LMBRD1: variants seen among roughly 807,000 people sequenced by gnomAD.
LMBRD1 encodes the protein LMBR1 domain containing 1, also known as lysosomal cobalamin transport escort protein LMBD1.
In LMBRD1, 64 loss-of-function variants were observed where a neutral mutation model predicts 74.8. The ratio of observed to expected loss-of-function variants is 0.86; its 90% CI spans 0.70 to 1.05. The LOEUF (loss-of-function observed/expected upper bound fraction) is 1.05. Among genes scored for constraint, LMBRD1 ranks in the 50% least tolerant of loss-of-function variants. LMBRD1 has a pLI of 0.00. For synonymous variants in LMBRD1, 204 were observed against 216.3 expected (o/e 0.94, Z 0.50); for missense variants, 652 against 645.9 (o/e 1.01, Z -0.10).
intron 1 of LMBRD1, among the ~76,000 whole-genome samples, chr6:69,794,410 A>G (rs1582172850): frequency 6.6e-6 from 1 of 152,240 alleles, no homozygotes; most frequent in Non-Finnish European, 1.5e-5. Context: ...ATGCGTACAT[A>G]AAGTCCTGCT....
In LMBRD1 at chr6:69,699,173, C is replaced by T. The variant is rs1213957514; in HGVS notation, c.1208G>A (p.Gly403Asp). The T allele has an allele frequency of 1.2e-6, 2 of 1,611,514 alleles. No homozygotes were observed. The highest frequency in any genetic ancestry group is 1.1e-5 in the South Asian group (1 of 91,024). Residue 403 changes from glycine to aspartate, a missense_variant, in exon 13 of 16, where the codon GGT becomes GAT. This residue lies in a region of LMBRD1 where 598 missense variants were observed against 581.8 expected (regional missense o/e 1.03). Transcript: ENST00000649934. ...AAGGAGTGCTTGGGGCCTGGTTCTACCTCTTCTGATTTTATATAACTGGAA... is the reference window on the plus strand; with the variant it reads ...AAGGAGTGCTTGGGGCCTGGTTCTATCTCTTCTGATTTTATATAACTGGAA... Reference protein sequence around the residue: ...FWIRLYKIRRGRTRPQALLFL... With the variant: ...FWIRLYKIRRDRTRPQALLFL...
rs1582106056 is a variant in LMBRD1, at chr6:69,738,002, T to C, written c.576A>G (p.Ala192=). The C allele has an allele frequency of 1.2e-6, 2 of 1,609,086 alleles. No individual in the cohort carries two copies. The highest frequency in any genetic ancestry group is 8.5e-7 in the Non-Finnish European group (1 of 1,176,858). The change falls in exon 7 of 16, where the codon GCA becomes GCG. Residue 192 remains alanine (A), a synonymous_variant. Coordinates refer to ENST00000649934, the MANE Select transcript of LMBRD1 (RefSeq NM_018368.4). The part of the protein sequence containing the change: ...EELGSSHGLA[A]LSFSISSLTL... The stretch of plus-strand genomic sequence containing the variant: ...TCAGAGAACTGATAGAAAATGACAA[T>C]GCAGCTAAACCATCTGTGAAGAAAG...
chr6:69,747,385 T>C (rs1767260019), intron 5 of LMBRD1, among the ~76,000 whole-genome samples: 1 of 152,240 alleles, frequency 6.6e-6, no homozygotes, highest in South Asian at 2.1e-4. Context: ...CGTAGACTTC[T>C]AACCTCCAGA....
Position 69,787,677 on chromosome 6 carries a change from C to G in LMBRD1, c.246+2619G>C, listed in dbSNP as rs148011010. Among the ~76,000 whole-genome samples, 172 of 151,932 alleles carry G rather than the reference C, an allele frequency of 1.1e-3. 1 individual carries two copies. The South Asian group carries it at 0.017, about 15-fold the overall frequency. On this transcript the variant is annotated intron_variant, in intron 2 of 15. Coordinates refer to ENST00000649934, the MANE Select transcript of LMBRD1 (RefSeq NM_018368.4). ...AGAAGAATCGCTTGAACCCAGGAGG[C>G]GGAGGTTGCAGTGAAACTCCGTCTC...
chr6:69,765,311 CA>C (rs1454001913), intron 3 of LMBRD1, among the ~76,000 whole-genome samples: 1 of 151,344 alleles, frequency 6.6e-6, no homozygotes, highest in South Asian at 2.1e-4. Context: ...AGGTAAGGCT[CA>C]AAAAAAATCA....
intron 7 of LMBRD1, among the ~76,000 whole-genome samples, chr6:69,735,220 T>C (rs1236447564): frequency 2.6e-5 from 4 of 152,194 alleles, no homozygotes; most frequent in African/African-American, 7.2e-5. Flanking sequence ...CTGGACAGGA[T>C]GCCATTCCAA....
intron 1 of LMBRD1, among the ~76,000 whole-genome samples, chr6:69,793,877 G>A (rs954628874): frequency 1.3e-5 from 2 of 151,600 alleles, no homozygotes; most frequent in African/African-American, 2.4e-5. Flanking sequence ...TTGCCACCTC[G>A]CCCGGCTAAT....
intron 2 of LMBRD1, among the ~76,000 whole-genome samples, chr6:69,783,940 T>C (rs17583400): frequency 0.094 from 14,327 of 152,304 alleles, 858 homozygotes; most frequent in Non-Finnish European, 0.14. Flanking sequence ...TTTTACTCTA[T>C]AAGGATCTTT....
At chr6:69,726,148 A>G (rs960080165) in intron 7 of LMBRD1, among the ~76,000 whole-genome samples, 1 of 152,252 alleles carries the variant, frequency 6.6e-6, no homozygotes, top group East Asian at 1.9e-4. Context: ...ATCACTGATC[A>G]TCGGAGAAAT....
rs78410214 is a variant in LMBRD1, at chr6:69,719,196, A to G, written c.637-115T>C. The G allele has an allele frequency of 5.3e-3, 4,839 of 915,396 alleles. 256 individuals are homozygous for G. In the Admixed American group the frequency reaches 0.092, roughly 17 times the overall value. 56.7% of individuals were successfully genotyped at this position (915,396 alleles called of 1,614,324 possible). A position where few individuals can be genotyped will look rare whatever the true frequency, so the allele number is the denominator to read the frequency against. The stretch of plus-strand genomic sequence containing the variant: ...AGAGTCAGCAGTTGTGAAAGAGTAC[A>G]GTCACTGAAAACATGGTATATGGGA... On this transcript the variant is annotated intron_variant, in intron 7 of 15. Transcript: ENST00000649934.
intron 1 of LMBRD1, among the ~76,000 whole-genome samples, chr6:69,793,683 C>T (rs888484434): frequency 1.3e-5 from 2 of 149,566 alleles, no homozygotes; most frequent in African/African-American, 2.5e-5. Flanking sequence ...TTTTTGCCCA[C>T]GATCACAAAA....
intron 9 of LMBRD1, among the ~76,000 whole-genome samples, chr6:69,713,157 G>A (rs547352958): frequency 6.6e-6 from 1 of 152,094 alleles, no homozygotes; most frequent in Admixed American, 6.6e-5. Context: ...TTTGATAAGC[G>A]TACCATGAAT....
At chr6:69,775,935 C>A (rs1215916247) in intron 3 of LMBRD1, among the ~76,000 whole-genome samples, 1 of 152,150 alleles carries the variant, frequency 6.6e-6, no homozygotes, top group East Asian at 1.9e-4. Context: ...GTATTTGTCA[C>A]CAATGATAAA....
At chr6:69,762,456 C>CG (rs1765392090) in intron 3 of LMBRD1, among the ~76,000 whole-genome samples, 1 of 132,594 alleles carries the variant, frequency 7.5e-6, no homozygotes, top group Non-Finnish European at 1.7e-5. Flanking sequence ...TACCAAAAAA[C>CG]AAAAAAAAAA....
At chr6:69,711,918 G>A (rs1353382663) in intron 9 of LMBRD1, among the ~76,000 whole-genome samples, 1 of 152,012 alleles carries the variant, frequency 6.6e-6, no homozygotes, top group Non-Finnish European at 1.5e-5. Flanking sequence ...TTGTTGTACA[G>A]ATTATTTCAT....
intron 7 of LMBRD1, among the ~76,000 whole-genome samples, chr6:69,729,860 TTAGATTATG>T: frequency 6.6e-6 from 1 of 152,102 alleles, no homozygotes; most frequent in East Asian, 1.9e-4. Context: ...ACTACAATAT[TTAGATTATG>T]ATAAGCTTGA....
At chr6:69,765,550 G>C (rs1048190518) in intron 3 of LMBRD1, among the ~76,000 whole-genome samples, 1 of 152,102 alleles carries the variant, frequency 6.6e-6, no homozygotes, top group African/African-American at 2.4e-5. Flanking sequence ...GTAATTCTCT[G>C]ATGTCATTTT....
At chr6:69,794,867 G>A (rs540215474) in intron 1 of LMBRD1, among the ~76,000 whole-genome samples, 1 of 152,122 alleles carries the variant, frequency 6.6e-6, no homozygotes, top group Non-Finnish European at 1.5e-5. Flanking sequence ...ACCATGCATG[G>A]GTAAAAGAGC....
At chr6:69,712,314 A>G (rs1297159873) in intron 9 of LMBRD1, among the ~76,000 whole-genome samples, 4 of 152,194 alleles carry the variant, frequency 2.6e-5, no homozygotes, top group Non-Finnish European at 4.4e-5. Context: ...CAAGAATTCA[A>G]GGCTGGCAAA....
Sources: allele counts gnomAD v4.1 joint callset (sites outside exome capture counted in the v4.1 genomes callset), GRCh38; gene constraint gnomAD v4.1.1; regional missense constraint gnomAD v4.1.1; transcripts MANE v1.5; gene names NCBI Gene and HGNC (gene_info 2026-07-23, HGNC 2026-07-21).